LRP2: variants seen among roughly 807,000 people sequenced by gnomAD.
LRP2 encodes the protein low-density lipoprotein receptor-related protein 2.
In LRP2, 172 loss-of-function variants were observed where a neutral mutation model predicts 531.0. That is an observed-to-expected ratio of 0.32 (90% confidence interval 0.29 to 0.37). The LOEUF is 0.37. Ranked by LOEUF, LRP2 falls within the 10% of genes least tolerant of loss-of-function variation. The pLI, the probability that LRP2 is intolerant of heterozygous loss-of-function variation, is 1.00. For synonymous variants in LRP2, 1,992 were observed against 2,027.6 expected (o/e 0.98, Z 0.47); for missense variants, 5,167 against 5,868.3 (o/e 0.88, Z 3.90).
rs1689175145 is a variant in LRP2, at chr2:169,225,596, A to T, written c.5395-143T>A. The T allele has an allele frequency of 3.3e-6, 3 of 913,014 alleles. No homozygotes were observed. In the South Asian group the frequency reaches 4.4e-5, roughly 13 times the overall value. 56.6% of individuals were successfully genotyped at this position (913,014 alleles called of 1,614,324 possible). On this transcript the variant is annotated intron_variant, in intron 32 of 78. Transcript: ENST00000649046. ...GAGGAAAGGCAAACAAAGGTTCAGCACCACTGGGTAGGCTTCAAACGATTT... is the reference window on the plus strand; with the variant it reads ...GAGGAAAGGCAAACAAAGGTTCAGCTCCACTGGGTAGGCTTCAAACGATTT...
rs750434980 is a variant in LRP2, at chr2:169,231,724, A to G, written c.5217T>C (p.Asn1739=). The change falls in exon 31 of 79, where the codon AAT becomes AAC. Residue 1739 remains asparagine (N), a synonymous_variant. Coordinates refer to ENST00000649046, the MANE Select transcript of LRP2 (RefSeq NM_004525.3). ...SGWSLSPDLL[N]CLRDDQPFLI... is the part of the protein sequence containing the mutation. The stretch of plus-strand genomic sequence containing the variant: ...AGGAGCATACTATACCTCTCAAGCA[A>G]TTCAGGAGATCAGGAGACAGACTCC... 3 of 1,614,048 alleles carry G rather than the reference A, an allele frequency of 1.9e-6. No homozygotes were observed. The South Asian group carries it at 3.3e-5, about 18-fold the overall frequency.
At chr2:169,322,319 T>C (rs1243187472) in intron 1 of LRP2, among the ~76,000 whole-genome samples, 3 of 152,224 alleles carry the variant, frequency 2.0e-5, no homozygotes. Context: ...TGTTCAAATC[T>C]GATTGTCTGG....
intron 34 of LRP2, among the ~76,000 whole-genome samples, chr2:169,219,975 C>T (rs1254183925): frequency 2.0e-5 from 3 of 152,052 alleles, no homozygotes; most frequent in Admixed American, 1.3e-4. Flanking sequence ...CCTCTGGTTC[C>T]GGCTCTCCCC....
chr2:169,313,544 A>T (rs1300742650), intron 3 of LRP2, among the ~76,000 whole-genome samples: 1 of 152,132 alleles, frequency 6.6e-6, no homozygotes, highest in African/African-American at 2.4e-5. Context: ...AGAACAGCAA[A>T]TGTTACTTCC....
chr2:169,316,465 A>G (rs1684766567), intron 3 of LRP2, among the ~76,000 whole-genome samples: 1 of 152,188 alleles, frequency 6.6e-6, no homozygotes, highest in African/African-American at 2.4e-5. Context: ...CCTATTTCCA[A>G]TAGTTTAAGA....
chr2:169,244,992 C>A lies in LRP2; in HGVS notation c.3191-60G>T, dbSNP rs893484200. 11 of 1,602,746 alleles carry A rather than the reference C, an allele frequency of 6.9e-6. No homozygotes were observed. In the African/African-American group the frequency reaches 1.3e-4, roughly 20 times the overall value. ...GTTTTTACAGCCTTTTAAATGAGTT[C>A]TTGCCTTATAAAGGCTCAGTTCACC... On this transcript the variant is annotated intron_variant, in intron 21 of 78. Transcript: ENST00000649046.
At chr2:169,316,458 A>G (rs1684766349) in intron 3 of LRP2, among the ~76,000 whole-genome samples, 1 of 152,210 alleles carries the variant, frequency 6.6e-6, no homozygotes, top group African/African-American at 2.4e-5. Flanking sequence ...CCATCTGCCT[A>G]TTTCCAATAG....
chr2:169,233,621 C>T (rs1689494721), intron 29 of LRP2, 33 bp from the exon 30 acceptor site: 4 of 1,606,620 alleles, frequency 2.5e-6, no homozygotes, highest in Non-Finnish European at 3.4e-6. Flanking sequence ...GAGACCTCAT[C>T]CAAAAATCAA....
At chr2:169,284,830 A>G (rs779485840) in intron 9 of LRP2, among the ~76,000 whole-genome samples, 1 of 151,986 alleles carries the variant, frequency 6.6e-6, no homozygotes, top group Non-Finnish European at 1.5e-5. Context: ...TCTCCCTCAA[A>G]CCCCCAGAAT....
intron 16 of LRP2, among the ~76,000 whole-genome samples, chr2:169,263,463 G>A (rs1418794948): frequency 6.6e-6 from 1 of 151,300 alleles, no homozygotes; most frequent in Admixed American, 6.6e-5. Flanking sequence ...CTCAAAAGAA[G>A]ACATTTATGC....
At chr2:169,330,857 A>G (rs1393331599) in intron 1 of LRP2, among the ~76,000 whole-genome samples, 1 of 152,170 alleles carries the variant, frequency 6.6e-6, no homozygotes, top group African/African-American at 2.4e-5. Flanking sequence ...TCATCTAAAA[A>G]AAAAAAACAT....
At chr2:169,220,379 C>A (rs1343052837) in intron 34 of LRP2, 75 bp downstream of exon 34, 18 of 1,094,664 alleles carry the variant, frequency 1.6e-5, no homozygotes, top group Non-Finnish European at 7.1e-6. Context: ...AATTTGAAAT[C>A]TTCCATTTTG....
intron 1 of LRP2, among the ~76,000 whole-genome samples, chr2:169,323,026 A>C (rs1361742180): frequency 6.6e-6 from 1 of 152,210 alleles, no homozygotes; most frequent in Admixed American, 6.5e-5. Flanking sequence ...AGTTAAACAC[A>C]TCATGAAAAG....
intron 9 of LRP2, among the ~76,000 whole-genome samples, chr2:169,286,377 C>G (rs1419132952): frequency 2.0e-5 from 3 of 152,146 alleles, no homozygotes; most frequent in African/African-American, 7.2e-5. Flanking sequence ...AAATTAGTGC[C>G]CCGGTATTAG....
At chr2:169,305,983 GGTTT>G (rs1373260555) in intron 4 of LRP2, among the ~76,000 whole-genome samples, 4 of 151,878 alleles carry the variant, frequency 2.6e-5, no homozygotes, top group African/African-American at 9.7e-5. Flanking sequence ...ATACCATCCA[GGTTT>G]GTTTAACAAC....
chr2:169,333,127 A>G (rs941133353), intron 1 of LRP2, among the ~76,000 whole-genome samples: 1 of 152,230 alleles, frequency 6.6e-6, no homozygotes, highest in Non-Finnish European at 1.5e-5. Flanking sequence ...TGAAGTCAAC[A>G]TTTTTAATAA....
At chr2:169,162,990 G>T (rs1056332388) in intron 62 of LRP2, among the ~76,000 whole-genome samples, 2 of 152,242 alleles carry the variant, frequency 1.3e-5, no homozygotes, top group African/African-American at 2.4e-5. Flanking sequence ...TATGCTGGTT[G>T]CAACAGCTAG....
chr2:169,210,089 G>A (rs535341251), intron 37 of LRP2, among the ~76,000 whole-genome samples: 16 of 152,172 alleles, frequency 1.1e-4, no homozygotes, highest in East Asian at 7.7e-4. Flanking sequence ...AAAGTAAACC[G>A]GGGAGACACG....
intron 13 of LRP2, among the ~76,000 whole-genome samples, chr2:169,276,699 A>T (rs1285743891): frequency 1.3e-5 from 2 of 152,206 alleles, no homozygotes; most frequent in Non-Finnish European, 2.9e-5. Context: ...GCTTTCATTG[A>T]GAAAACAATA....
Sources: allele counts gnomAD v4.1 joint callset (sites outside exome capture counted in the v4.1 genomes callset), GRCh38; gene constraint gnomAD v4.1.1; transcripts MANE v1.5; gene names NCBI Gene and HGNC (gene_info 2026-07-23, HGNC 2026-07-21).